Variants in KLF7 observed in about 807,000 individuals in gnomAD.
The protein encoded by KLF7 is Krueppel-like factor 7.
KLF7 carries 2 observed loss-of-function variants against 27.3 expected under a neutral mutation model. The ratio of observed to expected loss-of-function variants is 0.07; its 90% CI spans 0.03 to 0.23. The LOEUF is 0.23. Ranked by LOEUF, KLF7 falls within the 10% of genes least tolerant of loss-of-function variation. The pLI, the probability that KLF7 is intolerant of heterozygous loss-of-function variation, is 1.00. For synonymous variants in KLF7, 165 were observed against 162.4 expected (o/e 1.02, Z -0.12); for missense variants, 221 against 394.1 (o/e 0.56, Z 3.72).
chr2:207,170,889 A>G (rs1010205233), upstream of KLF7, among the ~76,000 whole-genome samples: 27 of 152,010 alleles, frequency 1.8e-4, no homozygotes, highest in Non-Finnish European at 5.9e-5. Flanking sequence ...CCTAGCTAAC[A>G]CAACATCCAT....
chr2:207,158,903 TG>T (rs2106133804), intron 1 of KLF7, among the ~76,000 whole-genome samples: 1 of 152,296 alleles, frequency 6.6e-6, no homozygotes, highest in African/African-American at 2.4e-5. Flanking sequence ...GCAAGTAAAC[TG>T]GTCTGGGCAT....
At chr2:207,097,238 C>T (rs1458835165) in intron 2 of KLF7, among the ~76,000 whole-genome samples, 1 of 151,726 alleles carries the variant, frequency 6.6e-6, no homozygotes, top group East Asian at 1.9e-4. Context: ...ACTTATGGCT[C>T]TTAACTGTGT....
At chr2:207,158,838 A>G (rs1405763594) in intron 1 of KLF7, among the ~76,000 whole-genome samples, 1 of 152,198 alleles carries the variant, frequency 6.6e-6, no homozygotes, top group Non-Finnish European at 1.5e-5. Context: ...TTTGAAGGCA[A>G]AAAAGAAAGA....
At position 207,081,148 on chromosome 2, in the gene KLF7, C is replaced by T; in HGVS notation, c.*65G>A. Reference sequence around the variant, plus strand: ...ATGGGTCCCCGCCTGAAGTCCAGCCCCCTGCCTCATGGCGTTTCCTTTAGA... The same window carrying T: ...ATGGGTCCCCGCCTGAAGTCCAGCCTCCTGCCTCATGGCGTTTCCTTTAGA... On this transcript the variant is annotated 3_prime_UTR_variant, in exon 4 of 4. Transcript: ENST00000309446. The T allele has an allele frequency of 2.7e-6, 4 of 1,472,814 alleles. No homozygotes were observed. The highest frequency in any genetic ancestry group is 3.8e-6 in the Non-Finnish European group (4 of 1,051,484). 91.2% of individuals were successfully genotyped at this position (1,472,814 alleles called of 1,614,324 possible). A position where few individuals can be genotyped will look rare whatever the true frequency, so the allele number is the denominator to read the frequency against.
chr2:207,101,289 G>T (rs1000454168), intron 2 of KLF7, among the ~76,000 whole-genome samples: 1 of 152,220 alleles, frequency 6.6e-6, no homozygotes, highest in African/African-American at 2.4e-5. Flanking sequence ...TCACGTTAGA[G>T]CTCAGCTCCC....
chr2:207,086,423 C>T lies in KLF7; in HGVS notation c.857+2035G>A, dbSNP rs147216544. On this transcript the variant is annotated intron_variant, in intron 3 of 3. Transcript: ENST00000309446. ...GGAATACAAACTCTCATTTATGATG[C>T]TGTCGAAAATGCACTATTGGCCTGT... Among the ~76,000 whole-genome samples, 987 of 152,320 alleles carry T rather than the reference C, an allele frequency of 6.5e-3. 12 individuals carry two copies. The highest frequency in any genetic ancestry group is 0.021 in the South Asian group (102 of 4,824).
intron 1 of KLF7, among the ~76,000 whole-genome samples, chr2:207,125,796 T>C (rs147902964): frequency 8.7e-4 from 132 of 152,316 alleles, no homozygotes; most frequent in African/African-American, 3.0e-3. Flanking sequence ...ACTACTGTGC[T>C]CACAGCAAGG....
intron 1 of KLF7, among the ~76,000 whole-genome samples, chr2:207,159,642 C>G (rs1041225330): frequency 2.0e-5 from 3 of 152,092 alleles, no homozygotes; most frequent in Non-Finnish European, 2.9e-5. Context: ...ATATAAACAA[C>G]AAAAATCCCA....
chr2:207,147,754 C>G (rs761740070), intron 1 of KLF7, among the ~76,000 whole-genome samples: 1 of 152,144 alleles, frequency 6.6e-6, no homozygotes, highest in Non-Finnish European at 1.5e-5. Flanking sequence ...CATGAGATGG[C>G]GCCATTGGGA....
At chr2:207,116,523 C>T (rs893775085) in intron 2 of KLF7, among the ~76,000 whole-genome samples, 6 of 152,156 alleles carry the variant, frequency 3.9e-5, no homozygotes, top group African/African-American at 7.2e-5. Context: ...ATTCTTATAA[C>T]GTCATCTTAG....
At chr2:207,090,259 G>C (rs1329879905) in intron 2 of KLF7, among the ~76,000 whole-genome samples, 1 of 152,180 alleles carries the variant, frequency 6.6e-6, no homozygotes, top group Non-Finnish European at 1.5e-5. Flanking sequence ...ATGAATCACT[G>C]AGCAGTGTTA....
chr2:207,092,254 G>A (rs1007522128), intron 2 of KLF7, among the ~76,000 whole-genome samples: 2 of 152,218 alleles, frequency 1.3e-5, no homozygotes, highest in African/African-American at 4.8e-5. Context: ...ACAGGTAGAT[G>A]GAAGAGAGAC....
In KLF7 at chr2:207,078,023, CA is replaced by C. The variant is rs2076207324; in HGVS notation, c.*3189del. The C allele has an allele frequency of 6.6e-6, 1 of 152,216 alleles. No homozygotes were observed. Among genetic ancestry groups the C allele is most frequent in the Non-Finnish European group, 1.5e-5 (1 of 68,034 alleles). The allele number at this position is 152,216 out of a possible 1,614,324, so 9.4% of individuals were successfully genotyped here. ...TTTAAATAACCAGTCCTCTTGGGAG[CA>C]AAATGTCTTCAGGTTACTTCTTGGA... is the stretch of plus-strand genomic sequence containing the variant. On this transcript the variant is annotated 3_prime_UTR_variant, in exon 4 of 4. Coordinates refer to ENST00000309446, the MANE Select transcript of KLF7 (RefSeq NM_003709.4).
intron 2 of KLF7, among the ~76,000 whole-genome samples, chr2:207,111,106 AAATC>A (rs1468332692): frequency 3.9e-5 from 6 of 152,196 alleles, no homozygotes; most frequent in Non-Finnish European, 7.3e-5. Context: ...CTGAGGGAAA[AAATC>A]TCCCCTGGTT....
intron 2 of KLF7, among the ~76,000 whole-genome samples, chr2:207,098,447 G>A (rs1308669687): frequency 6.6e-6 from 1 of 152,066 alleles, no homozygotes; most frequent in Admixed American, 6.6e-5. Flanking sequence ...TTATCACTCT[G>A]TAAGTCAAGT....
At chr2:207,167,154 C>T (rs1281606158), upstream of KLF7, 8 of 1,436,284 alleles carry the variant, frequency 5.6e-6, no homozygotes, top group Non-Finnish European at 6.4e-6. Flanking sequence ...GGGTCTCCAG[C>T]GAGGTGTCTG....
chr2:207,096,504 A>G (rs2076634009), intron 2 of KLF7, among the ~76,000 whole-genome samples: 1 of 152,226 alleles, frequency 6.6e-6, no homozygotes. Context: ...AAGCTGAGAT[A>G]CGAAGGAGGA....
the KLF7 span, among the ~76,000 whole-genome samples, chr2:207,172,547 T>C: frequency 2.6e-5 from 4 of 152,336 alleles, no homozygotes; most frequent in East Asian, 3.9e-4. Context: ...GGAAAAGTTA[T>C]TACTTTTTCT....
At chr2:207,158,022 A>G (rs1298534778) in intron 1 of KLF7, among the ~76,000 whole-genome samples, 1 of 89,444 alleles carries the variant, frequency 1.1e-5, no homozygotes, top group East Asian at 2.4e-4. Context: ...TTCTGGTTAG[A>G]AAAAAATGAG....
Sources: allele counts gnomAD v4.1 joint callset (sites outside exome capture counted in the v4.1 genomes callset), GRCh38; gene constraint gnomAD v4.1.1; transcripts MANE v1.5; gene names NCBI Gene and HGNC (gene_info 2026-07-23, HGNC 2026-07-21).